TMEM117: variants seen among roughly 807,000 people sequenced by gnomAD.
The protein encoded by TMEM117 is transmembrane protein 117.
TMEM117 carries 27 observed loss-of-function variants against 52.4 expected under a neutral mutation model. That is an observed-to-expected ratio of 0.51 (90% confidence interval 0.38 to 0.71). TMEM117 has a LOEUF of 0.71. Among genes scored for constraint, TMEM117 ranks in the 30% least tolerant of loss-of-function variants. The pLI, the probability that TMEM117 is intolerant of heterozygous loss-of-function variation, is 0.00. For missense variants in TMEM117, 556 were observed against 630.5 expected (o/e 0.88, Z 1.26); for synonymous variants, 215 against 206.3 (o/e 1.04, Z -0.36).
the TMEM117 span, among the ~76,000 whole-genome samples, chr12:43,820,834 G>A: frequency 6.6e-6 from 1 of 151,726 alleles, no homozygotes; most frequent in Admixed American, 6.6e-5. Flanking sequence ...GGGCGCGTTG[G>A]CTCACGCCTG....
chr12:44,094,342 A>AC (rs1026949881), intron 3 of TMEM117, among the ~76,000 whole-genome samples: 2 of 152,086 alleles, frequency 1.3e-5, no homozygotes, highest in African/African-American at 4.8e-5. Flanking sequence ...TGCATTTGGT[A>AC]ATTGGACAGA....
At chr12:44,363,288 T>C (rs1162108034) in intron 6 of TMEM117, among the ~76,000 whole-genome samples, 2 of 152,112 alleles carry the variant, frequency 1.3e-5, no homozygotes, top group African/African-American at 4.8e-5. Flanking sequence ...CAAAGAAATA[T>C]ATGTAAAAGG....
At chr12:44,188,772 T>C (rs1225782713) in intron 4 of TMEM117, among the ~76,000 whole-genome samples, 1 of 152,138 alleles carries the variant, frequency 6.6e-6, no homozygotes, top group African/African-American at 2.4e-5. Context: ...TTTTTTTTCA[T>C]GTCATTTGTT....
intron 6 of TMEM117, among the ~76,000 whole-genome samples, chr12:44,354,767 G>A (rs1157792588): frequency 6.6e-6 from 1 of 151,762 alleles, no homozygotes. Context: ...ACAAGACAGG[G>A]ATGTCCTCTC....
At chr12:44,171,665 T>TG (rs1321872551) in intron 4 of TMEM117, among the ~76,000 whole-genome samples, 1 of 152,156 alleles carries the variant, frequency 6.6e-6, no homozygotes, top group East Asian at 1.9e-4. Context: ...ACCCATTCAG[T>TG]GGTCCAACAT....
intron 3 of TMEM117, among the ~76,000 whole-genome samples, chr12:43,976,211 A>ATG: frequency 6.6e-6 from 1 of 152,186 alleles, no homozygotes; most frequent in Non-Finnish European, 1.5e-5. Context: ...TAAAGGAGCT[A>ATG]ATGAGTCATA....
intron 5 of TMEM117, among the ~76,000 whole-genome samples, chr12:44,225,835 C>G (rs562246413): frequency 1.3e-5 from 2 of 152,086 alleles, no homozygotes; most frequent in Non-Finnish European, 2.9e-5. Context: ...ATTAAAGTTA[C>G]TGGACTGGGT....
At chr12:44,056,523 G>A (rs936226466) in intron 3 of TMEM117, among the ~76,000 whole-genome samples, 1 of 152,212 alleles carries the variant, frequency 6.6e-6, no homozygotes, top group Non-Finnish European at 1.5e-5. Context: ...AAGGAGTTTT[G>A]TAAAATTAAT....
At chr12:43,877,628 C>T (rs1322860187) in intron 2 of TMEM117, among the ~76,000 whole-genome samples, 3 of 133,392 alleles carry the variant, frequency 2.2e-5, no homozygotes, top group African/African-American at 6.6e-5. Flanking sequence ...TAGTGCGACT[C>T]GGTCTCAAAA....
intron 5 of TMEM117, chr12:44,244,272 C>G (rs1950101180): frequency 6.6e-6 from 1 of 152,016 alleles, no homozygotes; most frequent in South Asian, 2.1e-4. Flanking sequence ...TTCTCTACAT[C>G]TTCACCAACA....
rs756272170 is a variant in TMEM117, at chr12:44,249,169, G to A, written c.608+37782G>A. 2.0e-5 allele frequency among the ~76,000 whole-genome samples: 3 copies of A among 152,170 alleles called. No homozygotes were observed. The South Asian group carries it at 6.2e-4, about 32-fold the overall frequency. ...AGAGGAAATAAAGATATTTAATGTA[G>A]GGAAAGGTTGGGAGGGTTTTGTGTG... is the stretch of plus-strand genomic sequence containing the variant. On this transcript the variant is annotated intron_variant, in intron 5 of 7. Transcript: ENST00000266534.
chr12:44,326,039 T>G (rs1352669144), intron 6 of TMEM117, among the ~76,000 whole-genome samples: 1 of 152,098 alleles, frequency 6.6e-6, no homozygotes, highest in Admixed American at 6.6e-5. Context: ...GGCGTGCGCC[T>G]GGAATCCCAG....
At chr12:43,944,693 G>A (rs1945100624) in intron 3 of TMEM117, among the ~76,000 whole-genome samples, 1 of 152,122 alleles carries the variant, frequency 6.6e-6, no homozygotes. Context: ...TAAGATGAAG[G>A]TTTCCAGGTT....
chr12:44,243,387 C>A (rs772391669), intron 5 of TMEM117, among the ~76,000 whole-genome samples: 26 of 151,664 alleles, frequency 1.7e-4, no homozygotes, highest in Admixed American at 1.3e-3. Context: ...GAAAGCTATA[C>A]CTGAGAGTTT....
At chr12:44,326,036 G>A (rs1218690099) in intron 6 of TMEM117, among the ~76,000 whole-genome samples, 7 of 151,994 alleles carry the variant, frequency 4.6e-5, no homozygotes, top group South Asian at 2.1e-4. Context: ...GGTGGCGTGC[G>A]CCTGGAATCC....
chr12:43,893,987 A>G (rs1944154043), intron 2 of TMEM117, among the ~76,000 whole-genome samples: 2 of 152,316 alleles, frequency 1.3e-5, no homozygotes, highest in African/African-American at 2.4e-5. Flanking sequence ...TTTTCTCAGC[A>G]TGACAACTTC....
chr12:44,215,777 G>C (rs991247907), intron 5 of TMEM117, among the ~76,000 whole-genome samples: 20 of 151,620 alleles, frequency 1.3e-4, no homozygotes, highest in African/African-American at 4.8e-4. Context: ...AGAGGAATTG[G>C]TGGAAGAAGG....
chr12:43,987,331 A>C (rs1040521859), intron 3 of TMEM117, among the ~76,000 whole-genome samples: 1 of 152,170 alleles, frequency 6.6e-6, no homozygotes, highest in Non-Finnish European at 1.5e-5. Context: ...TACCCAGTAC[A>C]TGGGATATTT....
chr12:44,342,268 C>G (rs1211585722), intron 6 of TMEM117, among the ~76,000 whole-genome samples: 2 of 152,128 alleles, frequency 1.3e-5, no homozygotes, highest in Non-Finnish European at 2.9e-5. Flanking sequence ...AGTTAGCCAG[C>G]TTTACTACAT....
Sources: gnomAD v4.1 joint callset for allele counts (sites outside exome capture counted in the v4.1 genomes callset) on GRCh38, gnomAD v4.1.1 for gene constraint, MANE v1.5 for transcripts, NCBI Gene and HGNC (gene_info 2026-07-23, HGNC 2026-07-21) for gene names.